The following PRKACB variants were observed in gnomAD, a reference collection of about 807,000 sequenced individuals.
PRKACB encodes the protein protein kinase cAMP-activated catalytic subunit beta, also known as cAMP-dependent protein kinase catalytic subunit beta.
A neutral mutation model predicts 51.4 loss-of-function variants in PRKACB; 16 were observed. That is an observed-to-expected ratio of 0.31 (90% CI 0.21 to 0.47). PRKACB has a LOEUF of 0.47. PRKACB is among the 20% of genes least tolerant of loss of function. The pLI, the probability that PRKACB is intolerant of heterozygous loss-of-function variation, is 1.00. For missense variants in PRKACB, 309 were observed against 464.5 expected (o/e 0.67, Z 3.08); for synonymous variants, 147 against 154.4 (o/e 0.95, Z 0.35).
At chr1:84,147,497 T>C (rs1654262646) in intron 1 of PRKACB, among the ~76,000 whole-genome samples, 1 of 152,066 alleles carries the variant, frequency 6.6e-6, no homozygotes. Context: ...TTTCTACTCA[T>C]TTGGTAAAAC....
At position 84,236,214 on chromosome 1, in the gene PRKACB, A is replaced by G. The variant is rs1335717212; in HGVS notation, c.*909A>G. 2.6e-5 allele frequency: 4 copies of G among 152,646 alleles called. No homozygotes were observed. The highest frequency in any genetic ancestry group is 1.9e-4 in the East Asian group (1 of 5,204). The allele number at this position is 152,646 out of a possible 1,614,324, so 9.5% of individuals were successfully genotyped here. A position where few individuals can be genotyped will look rare whatever the true frequency, so the allele number is the denominator to read the frequency against. ...AGTGACAAATTTTAAATTTTCTCTA[A>G]TAGTCCTCATCATAAACTTTTTAAA... On this transcript the variant is annotated 3_prime_UTR_variant, in exon 10 of 10. Transcript: ENST00000370685.
chr1:84,099,480 G>A (rs956225913), intron 1 of PRKACB, among the ~76,000 whole-genome samples: 1 of 151,922 alleles, frequency 6.6e-6, no homozygotes, highest in African/African-American at 2.4e-5. Context: ...CCTTATTTCT[G>A]TGGAAATATA....
At chr1:84,221,459 A>G (rs1248666389) in intron 9 of PRKACB, among the ~76,000 whole-genome samples, 1 of 148,022 alleles carries the variant, frequency 6.8e-6, no homozygotes, top group Non-Finnish European at 1.5e-5. Context: ...TCTGATTTTT[A>G]TTATTTCTTT....
intron 1 of PRKACB, among the ~76,000 whole-genome samples, chr1:84,156,205 G>A (rs369856474): frequency 6.6e-4 from 101 of 151,880 alleles, no homozygotes; most frequent in African/African-American, 2.3e-3. Flanking sequence ...TGTGTTGCCC[G>A]GGCTGTTCTT....
At chr1:84,097,951 C>T (rs190680525) in intron 1 of PRKACB, among the ~76,000 whole-genome samples, 90 of 152,192 alleles carry the variant, frequency 5.9e-4, no homozygotes, top group Non-Finnish European at 9.9e-4. Flanking sequence ...AACATTCTCA[C>T]AAACACGCCC....
intron 5 of PRKACB, among the ~76,000 whole-genome samples, chr1:84,186,533 A>G (rs1665167396): frequency 6.6e-6 from 1 of 152,030 alleles, no homozygotes; most frequent in African/African-American, 2.4e-5. Context: ...TTCTTGGAGC[A>G]GGTGCTGTGT....
At chr1:84,148,115 A>G (rs1267805238) in intron 1 of PRKACB, among the ~76,000 whole-genome samples, 3 of 152,152 alleles carry the variant, frequency 2.0e-5, no homozygotes, top group Admixed American at 2.0e-4. Context: ...ATGGCAATGA[A>G]TAGTCAGATA....
chr1:84,108,686 G>A (rs1390680973), intron 1 of PRKACB, among the ~76,000 whole-genome samples: 1 of 151,938 alleles, frequency 6.6e-6, no homozygotes, highest in South Asian at 2.1e-4. Context: ...TAAGTAATGT[G>A]CCCAAGATCA....
At position 84,100,217 on chromosome 1, in the gene PRKACB, C is replaced by T. The variant is rs1025301951; in HGVS notation, c.46+21846C>T. On this transcript the variant is annotated intron_variant, in intron 1 of 8. Transcript: ENST00000370688. Reference sequence around the variant, plus strand: ...AAACACTTATAAAACTGTCAGATCTCGTGAGAACTCAGTCACTGTTATGAG... The same window carrying T: ...AAACACTTATAAAACTGTCAGATCTTGTGAGAACTCAGTCACTGTTATGAG... Among the ~76,000 whole-genome samples, 7 of 152,172 alleles carry T rather than the reference C, an allele frequency of 4.6e-5. 1 individual carries two copies. Among genetic ancestry groups the T allele is most frequent in the South Asian group, 2.1e-4 (1 of 4,824 alleles).
chr1:84,106,672 A>G (rs1649776198), intron 1 of PRKACB, among the ~76,000 whole-genome samples: 1 of 152,194 alleles, frequency 6.6e-6, no homozygotes, highest in South Asian at 2.1e-4. Context: ...TAAAATGGCC[A>G]TACTGCCTAA....
intron 1 of PRKACB, among the ~76,000 whole-genome samples, chr1:84,099,981 TTAGATTG>T (rs1253514214): frequency 6.6e-6 from 1 of 152,152 alleles, no homozygotes; most frequent in East Asian, 1.9e-4. Flanking sequence ...TAATTTTATA[TTAGATTG>T]TAGGGAACTT....
chr1:84,100,414 T>C (rs578080363), intron 1 of PRKACB, among the ~76,000 whole-genome samples: 80 of 152,292 alleles, frequency 5.3e-4, no homozygotes, highest in Non-Finnish European at 8.4e-4. Context: ...AATAAAAAGA[T>C]ATAAAAGTGA....
At chr1:84,229,173 T>C (rs2101679141) in intron 9 of PRKACB, among the ~76,000 whole-genome samples, 1 of 147,378 alleles carries the variant, frequency 6.8e-6, no homozygotes, top group African/African-American at 2.5e-5. Context: ...TGAGTGAGAA[T>C]ATGCAGTGTT....
chr1:84,139,890 C>G (rs1383672347), upstream of PRKACB, among the ~76,000 whole-genome samples: 1 of 152,088 alleles, frequency 6.6e-6, no homozygotes, highest in African/African-American at 2.4e-5. Flanking sequence ...AACTTTGTCT[C>G]TACTAAAAAT....
intron 5 of PRKACB, among the ~76,000 whole-genome samples, chr1:84,192,451 C>G (rs1418735544): frequency 1.3e-5 from 2 of 152,016 alleles, no homozygotes; most frequent in African/African-American, 4.8e-5. Flanking sequence ...AAAAACAAAA[C>G]AGCATGAAAA....
intron 1 of PRKACB, among the ~76,000 whole-genome samples, chr1:84,107,693 T>G (rs985568991): frequency 6.6e-6 from 1 of 152,102 alleles, no homozygotes; most frequent in Non-Finnish European, 1.5e-5. Context: ...GAGCAGACAC[T>G]TTTCAAAAGA....
At chr1:84,186,149 G>C (rs1326002577) in intron 5 of PRKACB, among the ~76,000 whole-genome samples, 2 of 152,114 alleles carry the variant, frequency 1.3e-5, no homozygotes, top group African/African-American at 4.8e-5. Flanking sequence ...AGCTGTTAGA[G>C]AAAACTGGTT....
At chr1:84,189,980 A>G (rs1297633389) in intron 5 of PRKACB, among the ~76,000 whole-genome samples, 5 of 152,034 alleles carry the variant, frequency 3.3e-5, no homozygotes, top group African/African-American at 1.2e-4. Context: ...AACTTTTTTC[A>G]TAAGGTCCAT....
At chr1:84,192,679 T>G (rs1667141213) in intron 5 of PRKACB, among the ~76,000 whole-genome samples, 1 of 152,144 alleles carries the variant, frequency 6.6e-6, no homozygotes, top group African/African-American at 2.4e-5. Flanking sequence ...CCTGAAATTT[T>G]TATTAGCCTT....
Sources: gnomAD v4.1 joint callset for allele counts (sites outside exome capture counted in the v4.1 genomes callset) on GRCh38, gnomAD v4.1.1 for gene constraint, MANE v1.5 for transcripts, NCBI Gene and HGNC (gene_info 2026-07-23, HGNC 2026-07-21) for gene names.